Variants in CSMD1 observed in about 807,000 individuals in gnomAD.
The protein encoded by CSMD1 is CUB and sushi domain-containing protein 1.
A neutral mutation model predicts 417.5 loss-of-function variants in CSMD1; 213 were observed. The observed-to-expected ratio is 0.51, with a 90% CI of 0.46 to 0.57. The LOEUF (loss-of-function observed/expected upper bound fraction) is 0.57, where lower values mean the gene tolerates loss of function less well. Among genes scored for constraint, CSMD1 ranks in the 20% least tolerant of loss-of-function variants. The pLI is 0.00. For synonymous variants in CSMD1, 2,862 were observed against 1,736.8 expected (o/e 1.65, Z -16.11); for missense variants, 6,923 against 4,529.7 (o/e 1.53, Z -15.17).
chr8:4,717,640 G>T (rs911991235), intron 1 of CSMD1, among the ~76,000 whole-genome samples: 2 of 151,788 alleles, frequency 1.3e-5, no homozygotes, highest in African/African-American at 4.8e-5. Flanking sequence ...CTACAACGGG[G>T]AAAGCACTGG....
chr8:4,022,235 C>T (rs1375686500), intron 4 of CSMD1, among the ~76,000 whole-genome samples: 1 of 148,788 alleles, frequency 6.7e-6, no homozygotes, highest in Admixed American at 6.7e-5. Context: ...AAGGTGCTGA[C>T]TATTTTGGTC....
rs150748671 is a variant in CSMD1 at position 4,452,781 on chromosome 8, A to C, written c.303-32716T>G. 6.3e-3 allele frequency among the ~76,000 whole-genome samples: 963 copies of C among 152,222 alleles called. 12 individuals are homozygous for C. The highest frequency in any genetic ancestry group is 0.022 in the African/African-American group (933 of 41,514). On this transcript the variant is annotated intron_variant, in intron 2 of 69. Transcript: ENST00000635120. ...ATCATCCAATAACACAAATCCAATA[A>C]AGTTTATTGGATTAATAACAAAAAT... is the stretch of plus-strand genomic sequence containing the variant.
chr8:3,264,404 C>A (rs148133352), intron 26 of CSMD1, among the ~76,000 whole-genome samples: 1 of 152,086 alleles, frequency 6.6e-6, no homozygotes, highest in African/African-American at 2.4e-5. Context: ...AAATTCCACT[C>A]GCTATGTGCC....
chr8:4,642,858 T>C (rs1373809604), intron 1 of CSMD1, among the ~76,000 whole-genome samples: 1 of 152,128 alleles, frequency 6.6e-6, no homozygotes, highest in Non-Finnish European at 1.5e-5. Flanking sequence ...TGTAATTGGG[T>C]TTAGGGACTT....
intron 12 of CSMD1, among the ~76,000 whole-genome samples, chr8:3,428,802 C>G (rs553170808): frequency 1.3e-5 from 2 of 152,052 alleles, no homozygotes; most frequent in Non-Finnish European, 2.9e-5. Context: ...CGGAAAGAAC[C>G]GAGGTGTCAA....
intron 3 of CSMD1, among the ~76,000 whole-genome samples, chr8:4,312,925 C>A (rs1034385079): frequency 6.6e-6 from 1 of 152,074 alleles, no homozygotes; most frequent in African/African-American, 2.4e-5. Flanking sequence ...CACTGATTGG[C>A]ATAAATAATT....
At chr8:3,989,090 T>G (rs1814549566) in intron 5 of CSMD1, among the ~76,000 whole-genome samples, 1 of 152,228 alleles carries the variant, frequency 6.6e-6, no homozygotes, top group Non-Finnish European at 1.5e-5. Flanking sequence ...CACTGTTTCT[T>G]ACAGCAGTAA....
rs1408245478 is a variant in CSMD1 at position 4,024,315 on chromosome 8, A to G, written c.610+7590T>C. On this transcript the variant is annotated intron_variant, in intron 4 of 69. Transcript: ENST00000635120. ...ATAATGTAAACAAATTACATAAAAG[A>G]CAATAATGACAGAAAACCAGAAATG... Among the ~76,000 whole-genome samples, 3 of 152,322 alleles carry G rather than the reference A, an allele frequency of 2.0e-5. No individual in the cohort carries two copies. In the East Asian group the frequency reaches 5.8e-4, roughly 29 times the overall value.
chr8:3,149,654 T>C lies in CSMD1; in HGVS notation c.6031+1743A>G, dbSNP rs558300167. Among the ~76,000 whole-genome samples, 5 of 152,320 alleles carry C rather than the reference T, an allele frequency of 3.3e-5. No individual in the cohort carries two copies. In the East Asian group the frequency reaches 9.7e-4, roughly 29 times the overall value. On this transcript the variant is annotated intron_variant, in intron 40 of 69. Transcript: ENST00000635120. The stretch of plus-strand genomic sequence containing the variant: ...CACCATGCCCAGCTAAGTTTTGTAT[T>C]TTTAGTAGAGACGGCGTTTCATCAT...
intron 7 of CSMD1, among the ~76,000 whole-genome samples, chr8:3,678,491 G>T (rs1016634660): frequency 1.3e-5 from 2 of 152,018 alleles, no homozygotes; most frequent in Non-Finnish European, 2.9e-5. Flanking sequence ...TAGAGAAAAA[G>T]GAATAAAAAG....
intron 26 of CSMD1, among the ~76,000 whole-genome samples, chr8:3,235,812 T>C (rs1799115164): frequency 6.6e-6 from 1 of 151,984 alleles, no homozygotes; most frequent in Admixed American, 6.6e-5. Flanking sequence ...TAATGCAGCA[T>C]GCAATTAAAA....
intron 7 of CSMD1, among the ~76,000 whole-genome samples, chr8:3,624,879 T>C (rs963471005): frequency 6.6e-6 from 1 of 152,204 alleles, no homozygotes; most frequent in African/African-American, 2.4e-5. Context: ...TCCTCTTTGA[T>C]TTGCAGGAGG....
At chr8:4,080,484 G>C (rs1438924957) in intron 3 of CSMD1, among the ~76,000 whole-genome samples, 1 of 152,124 alleles carries the variant, frequency 6.6e-6, no homozygotes, top group Non-Finnish European at 1.5e-5. Flanking sequence ...AGCTCTCTGG[G>C]TTCCAAATTT....
chr8:4,097,804 G>A (rs1041385847), intron 3 of CSMD1, among the ~76,000 whole-genome samples: 5 of 152,206 alleles, frequency 3.3e-5, no homozygotes, highest in Non-Finnish European at 5.9e-5. Context: ...TACAAATGCT[G>A]TGGGTGGGTT....
At chr8:4,704,687 TTTTG>T (rs1210945604) in intron 1 of CSMD1, among the ~76,000 whole-genome samples, 1 of 152,212 alleles carries the variant, frequency 6.6e-6, no homozygotes. Context: ...TCCAAAAGTA[TTTTG>T]TTTGTTTGCT....
intron 4 of CSMD1, among the ~76,000 whole-genome samples, chr8:4,001,114 G>C (rs779721800): frequency 1.5e-4 from 23 of 151,862 alleles, no homozygotes; most frequent in Non-Finnish European, 2.2e-4. Context: ...TCGATGAGCT[G>C]AATCACTTTC....
rs1803452144 is a variant in CSMD1, at chr8:2,961,224, G to T, written c.9629-10C>A. 1.3e-6 allele frequency: 2 copies of T among 1,576,582 alleles called. No individual in the cohort carries two copies. Among genetic ancestry groups the T allele is most frequent in the African/African-American group, 1.3e-5 (1 of 74,364 alleles). On this transcript the variant is annotated splice_polypyrimidine_tract_variant and intron_variant, in intron 61 of 69. Coordinates refer to ENST00000635120, the MANE Select transcript of CSMD1 (RefSeq NM_033225.6). The stretch of plus-strand genomic sequence containing the variant: ...GTGTTATGAGCAGGATCTGAAATTT[G>T]TGATTTAAAAAGAAAAGAGGGCACC...
intron 49 of CSMD1, among the ~76,000 whole-genome samples, chr8:3,080,903 T>C (rs192377700): frequency 2.0e-5 from 3 of 152,190 alleles, no homozygotes; most frequent in Middle Eastern, 3.4e-3. Flanking sequence ...GTAATTTTTC[T>C]CTAAAAATAT....
At chr8:4,593,102 T>A (rs1370421348) in intron 2 of CSMD1, among the ~76,000 whole-genome samples, 1 of 152,190 alleles carries the variant, frequency 6.6e-6, no homozygotes, top group Admixed American at 6.5e-5. Flanking sequence ...CCGGGCCATT[T>A]CTTGGTCTCA....
Sources: allele counts gnomAD v4.1 joint callset (sites outside exome capture counted in the v4.1 genomes callset), GRCh38; gene constraint gnomAD v4.1.1; transcripts MANE v1.5; gene names NCBI Gene and HGNC (gene_info 2026-07-23, HGNC 2026-07-21).